The following CC2D2A variants were observed in gnomAD, a reference collection of about 807,000 sequenced individuals.
CC2D2A encodes coiled-coil and C2 domain-containing protein 2A.
In CC2D2A, 155 loss-of-function variants were observed where a neutral mutation model predicts 212.9. That is an observed-to-expected ratio of 0.73 (90% CI 0.64 to 0.83). The LOEUF is 0.83. Ranked by LOEUF, CC2D2A falls within the 40% of genes least tolerant of loss-of-function variation. The pLI, the probability that CC2D2A is intolerant of heterozygous loss-of-function variation, is 0.00. For synonymous variants in CC2D2A, 667 were observed against 686.5 expected (o/e 0.97, Z 0.44); for missense variants, 1,856 against 1,956.2 (o/e 0.95, Z 0.97).
intron 7 of CC2D2A, 51 bp from the exon 8 acceptor site, chr4:15,511,196 G>A (rs971914220): frequency 6.5e-6 from 10 of 1,530,836 alleles, no homozygotes; most frequent in African/African-American, 2.8e-5. Context: ...TGTGCAGAGC[G>A]CATTACAGCT....
At position 15,601,241 on chromosome 4, in the gene CC2D2A, C is replaced by G. The variant is rs1420190280; in HGVS notation, c.4679C>G (p.Ser1560Cys). The change falls in exon 37 of 37, where the codon TCT becomes TGT. Residue 1560 changes from serine to cysteine, a missense_variant. Physicochemically the swap from Ser to Cys is moderately radical, Grantham distance 112 (BLOSUM62 -1). Around this residue, in one of 5 missense-constraint regions of CC2D2A, gnomAD observed 285 missense variants for 278.4 expected, o/e 1.02. Coordinates refer to ENST00000424120, the MANE Select transcript of CC2D2A (RefSeq NM_001378615.1). The stretch of plus-strand genomic sequence containing the variant: ...ACAAATGTTTTTTCCCTTCAGTTCT[C>G]TGGATTTCCTCTTCACATGCCTTAT... ...LLKQLGDYRF[S>C]GFPLHMPYSE... is the part of the protein sequence containing the mutation. 2 of 1,611,870 alleles carry G rather than the reference C, an allele frequency of 1.2e-6. No homozygotes were observed. The highest frequency in any genetic ancestry group is 1.7e-6 in the Non-Finnish European group (2 of 1,178,758).
At chr4:15,584,329 A>C (rs955057853) in intron 30 of CC2D2A, among the ~76,000 whole-genome samples, 1 of 152,196 alleles carries the variant, frequency 6.6e-6, no homozygotes, top group African/African-American at 2.4e-5. Flanking sequence ...GAGGATAGCA[A>C]ACCCAGAAAT....
At chr4:15,546,035 G>T (rs1173272519) in intron 17 of CC2D2A, among the ~76,000 whole-genome samples, 3 of 151,978 alleles carry the variant, frequency 2.0e-5, no homozygotes, top group Non-Finnish European at 4.4e-5. Flanking sequence ...GCTTAAGCCT[G>T]GGAGTTTGAG....
intron 23 of CC2D2A, among the ~76,000 whole-genome samples, chr4:15,562,957 C>A (rs1422431881): frequency 1.3e-5 from 2 of 152,176 alleles, no homozygotes; most frequent in African/African-American, 4.8e-5. Flanking sequence ...ACACTGGCCC[C>A]AAGGGATGGG....
intron 2 of CC2D2A, among the ~76,000 whole-genome samples, chr4:15,477,843 G>A (rs1346592935): frequency 1.3e-5 from 2 of 152,182 alleles, no homozygotes; most frequent in African/African-American, 2.4e-5. Context: ...GCAGTCAGGA[G>A]TAATTGAGGT....
At chr4:15,512,002 A>G (rs969239003) in intron 8 of CC2D2A, among the ~76,000 whole-genome samples, 6 of 152,248 alleles carry the variant, frequency 3.9e-5, no homozygotes, top group African/African-American at 1.4e-4. Flanking sequence ...GGGAAATGCA[A>G]ATCAAACCCA....
chr4:15,500,102 TGTGTG>T (rs1560151882), intron 4 of CC2D2A, among the ~76,000 whole-genome samples: 32 of 67,394 alleles, frequency 4.7e-4, no homozygotes, highest in African/African-American at 1.5e-3. Flanking sequence ...TGTGTGTGTG[TGTGTG>T]TATATATATA....
intron 28 of CC2D2A, among the ~76,000 whole-genome samples, chr4:15,570,914 A>G (rs1041813043): frequency 1.3e-5 from 2 of 152,082 alleles, no homozygotes; most frequent in African/African-American, 4.8e-5. Context: ...AAAACAAACA[A>G]AAAAACTTTC....
intron 4 of CC2D2A, among the ~76,000 whole-genome samples, chr4:15,489,226 A>G (rs561394457): frequency 1.3e-5 from 2 of 152,336 alleles, no homozygotes; most frequent in African/African-American, 4.8e-5. Context: ...TATTTTAGGC[A>G]TACTTTTTAA....
intron 34 of CC2D2A, 70 bp downstream of exon 34, chr4:15,596,277 TA>T: frequency 7.3e-7 from 1 of 1,368,374 alleles, no homozygotes; most frequent in Non-Finnish European, 9.6e-7. Flanking sequence ...GGTTACAAGA[TA>T]TTTTTTACCC....
At chr4:15,582,723 C>T (rs184844745) in intron 30 of CC2D2A, among the ~76,000 whole-genome samples, 69 of 152,104 alleles carry the variant, frequency 4.5e-4, no homozygotes, top group Non-Finnish European at 9.3e-4. Flanking sequence ...CAAAGAAAAG[C>T]CTAGGACCTG....
In CC2D2A at chr4:15,540,899, A is replaced by C; in HGVS notation, c.2066A>C (p.Asn689Thr). The C allele has an allele frequency of 6.3e-7, 1 of 1,592,018 alleles. No individual in the cohort carries two copies. The highest frequency in any genetic ancestry group is 8.6e-7 in the Non-Finnish European group (1 of 1,168,890). The change falls in exon 17 of 37, where the codon AAC (asparagine) becomes ACC (threonine). Residue 689 changes from asparagine to threonine, a missense_variant. Coordinates refer to ENST00000424120, the MANE Select transcript of CC2D2A (RefSeq NM_001378615.1). ...KRSVYLKVLFNNKEVSRTVSR... is the reference protein window; with the variant it reads ...KRSVYLKVLFTNKEVSRTVSR... ...TCAGTGTACTTAAAAGTGCTGTTCA[A>C]CAACAAGGAGGTGTCCAGGACAGTC...
At chr4:15,566,949 T>C (rs1025735923) in intron 24 of CC2D2A, among the ~76,000 whole-genome samples, 2 of 152,006 alleles carry the variant, frequency 1.3e-5, no homozygotes, top group African/African-American at 4.8e-5. Flanking sequence ...CACTCCAGCC[T>C]GGGCAACAGA....
chr4:15,573,426 G>T (rs915454463), intron 28 of CC2D2A, among the ~76,000 whole-genome samples: 1 of 152,166 alleles, frequency 6.6e-6, no homozygotes, highest in African/African-American at 2.4e-5. Context: ...AAGTAGCTGG[G>T]ACCACAGGCG....
intron 13 of CC2D2A, among the ~76,000 whole-genome samples, chr4:15,530,080 TC>T (rs1407993926): frequency 6.6e-6 from 1 of 151,712 alleles, no homozygotes; most frequent in Non-Finnish European, 1.5e-5. Flanking sequence ...CACGCCATTC[TC>T]CCGCCTCAGC....
In CC2D2A at chr4:15,537,003, C is replaced by A. The variant is rs201954181; in HGVS notation, c.1691C>A (p.Thr564Lys). The change falls in exon 15 of 37, where the codon ACG (threonine) becomes AAG (lysine). Residue 564 changes from threonine to lysine, a missense_variant. Transcript: ENST00000424120. ...AEISELLEEH[T>K]EEYAQKMEEY... ...ATAAGTGAACTGTTAGAAGAGCACA[C>A]GGAGGAGTACGCACAGAAGATGGAA... is the stretch of plus-strand genomic sequence containing the variant. The A allele has an allele frequency of 3.7e-6, 6 of 1,613,480 alleles. No homozygotes were observed. The South Asian group carries it at 6.6e-5, about 18-fold the overall frequency.
intron 28 of CC2D2A, among the ~76,000 whole-genome samples, chr4:15,572,746 A>C (rs1300949184): frequency 6.6e-6 from 1 of 152,106 alleles, no homozygotes; most frequent in Non-Finnish European, 1.5e-5. Context: ...CACAAGGTGA[A>C]GTCCCACAAC....
chr4:15,562,114 G>C (rs1302115916), intron 23 of CC2D2A, among the ~76,000 whole-genome samples: 1 of 152,230 alleles, frequency 6.6e-6, no homozygotes, highest in Non-Finnish European at 1.5e-5. Context: ...ACAGCTCCTG[G>C]AATCCTGGAA....
intron 36 of CC2D2A, 96 bp from the exon 37 acceptor site, chr4:15,601,141 T>C: frequency 1.3e-6 from 1 of 795,822 alleles, no homozygotes; most frequent in Non-Finnish European, 1.8e-6. Flanking sequence ...ATAACTGAGA[T>C]CCAGAACACT....
Sources: allele counts gnomAD v4.1 joint callset (sites outside exome capture counted in the v4.1 genomes callset), GRCh38; gene constraint gnomAD v4.1.1; regional missense constraint gnomAD v4.1.1; transcripts MANE v1.5; gene names NCBI Gene and HGNC (gene_info 2026-07-23, HGNC 2026-07-21).